The following PDE4D variants were observed in gnomAD, a reference collection of about 807,000 sequenced individuals.
The protein encoded by PDE4D is phosphodiesterase 4D.
PDE4D carries 24 observed loss-of-function variants against 87.4 expected under a neutral mutation model. That is an observed-to-expected ratio of 0.27 (90% confidence interval 0.20 to 0.39). The LOEUF is 0.39. Among genes scored for constraint, PDE4D ranks in the 10% least tolerant of loss-of-function variants. The pLI is 1.00. For missense variants in PDE4D, 714 were observed against 1,041.0 expected (o/e 0.69, Z 4.32); for synonymous variants, 384 against 383.2 (o/e 1.00, Z -0.02).
chr5:60,151,542 T>C (rs1322697782), intron 2 of PDE4D, among the ~76,000 whole-genome samples: 1 of 152,330 alleles, frequency 6.6e-6, no homozygotes, highest in African/African-American at 2.4e-5. Context: ...TTAATTTCCT[T>C]TTCAGATAGT....
At chr5:59,629,679 C>T (rs1039829322) in intron 1 of PDE4D, among the ~76,000 whole-genome samples, 1 of 152,144 alleles carries the variant, frequency 6.6e-6, no homozygotes. Flanking sequence ...TTTTCTATAG[C>T]AGCCCTAGCC....
At chr5:59,764,389 G>C (rs1762524139) in intron 1 of PDE4D, among the ~76,000 whole-genome samples, 1 of 152,120 alleles carries the variant, frequency 6.6e-6, no homozygotes, top group Admixed American at 6.5e-5. Context: ...CCAGAAAACT[G>C]ACTAACGGGG....
At chr5:59,545,875 G>A (rs1817181795) in intron 1 of PDE4D, among the ~76,000 whole-genome samples, 1 of 152,094 alleles carries the variant, frequency 6.6e-6, no homozygotes, top group South Asian at 2.1e-4. Flanking sequence ...CCTGTAAAAA[G>A]ATTACAGGCA....
At chr5:58,980,201 A>T (rs1744777403) in intron 11 of PDE4D, among the ~76,000 whole-genome samples, 1 of 152,150 alleles carries the variant, frequency 6.6e-6, no homozygotes, top group Non-Finnish European at 1.5e-5. Flanking sequence ...TCCCTTGGGG[A>T]CATCTTTTAT....
chr5:60,132,660 T>C (rs1261326451), intron 2 of PDE4D, among the ~76,000 whole-genome samples: 3 of 152,198 alleles, frequency 2.0e-5, no homozygotes, highest in Non-Finnish European at 4.4e-5. Flanking sequence ...TAAAAGAGCA[T>C]ATTTTTATTC....
At chr5:60,406,854 T>C (rs991421831) in intron 1 of PDE4D, among the ~76,000 whole-genome samples, 4 of 152,088 alleles carry the variant, frequency 2.6e-5, no homozygotes, top group Non-Finnish European at 5.9e-5. Flanking sequence ...TCTTGTAAAT[T>C]ATGTTGAAAA....
intron 1 of PDE4D, among the ~76,000 whole-genome samples, chr5:60,314,992 G>T (rs1755419756): frequency 6.6e-6 from 1 of 152,148 alleles, no homozygotes; most frequent in Non-Finnish European, 1.5e-5. Flanking sequence ...AATCCTTTGG[G>T]TATATACCCA....
At chr5:59,756,019 G>A (rs906580552) in intron 1 of PDE4D, among the ~76,000 whole-genome samples, 5 of 151,228 alleles carry the variant, frequency 3.3e-5, no homozygotes, top group African/African-American at 1.2e-4. Flanking sequence ...ATATTTAACT[G>A]TATAAAAATA....
chr5:59,775,860 C>A (rs1360365045), intron 1 of PDE4D, among the ~76,000 whole-genome samples: 1 of 152,056 alleles, frequency 6.6e-6, no homozygotes, highest in Admixed American at 6.6e-5. Flanking sequence ...CACCCCTGAC[C>A]GGCCCCCAAG....
At chr5:59,463,829 T>C (rs1801130601) in intron 1 of PDE4D, among the ~76,000 whole-genome samples, 1 of 152,184 alleles carries the variant, frequency 6.6e-6, no homozygotes, top group Non-Finnish European at 1.5e-5. Context: ...TGTGTCTGTG[T>C]AGAAAGAAGT....
Position 59,974,979 on chromosome 5 carries a change from G to A in PDE4D, c.272+13509C>T, listed in dbSNP as rs1024899243. ...CTAAAGATGTCACTTCCCTGTGGTGGATTCAGGGTAAGGTACTCTGGTTCT... is the reference window on the plus strand; with the variant it reads ...CTAAAGATGTCACTTCCCTGTGGTGAATTCAGGGTAAGGTACTCTGGTTCT... On this transcript the variant is annotated intron_variant, in intron 3 of 16. Transcript: ENST00000502484. Among the ~76,000 whole-genome samples, 5 of 152,118 alleles carry A rather than the reference G, an allele frequency of 3.3e-5. No individual in the cohort carries two copies. In the South Asian group the frequency reaches 1.0e-3, roughly 32 times the overall value.
At chr5:59,802,459 C>T (rs1390629691) in intron 1 of PDE4D, among the ~76,000 whole-genome samples, 9 of 138,902 alleles carry the variant, frequency 6.5e-5, no homozygotes, top group East Asian at 4.3e-4. Context: ...AGTGCAGTGG[C>T]GTGATCTCAG....
intron 1 of PDE4D, among the ~76,000 whole-genome samples, chr5:59,536,486 C>T (rs1815266703): frequency 1.0e-5 from 1 of 99,450 alleles, no homozygotes; most frequent in Non-Finnish European, 1.8e-5. Flanking sequence ...GCCTGGGCAA[C>T]AGAGCAAGAC....
intron 1 of PDE4D, among the ~76,000 whole-genome samples, chr5:59,866,417 C>A (rs1004481174): frequency 6.6e-6 from 1 of 151,938 alleles, no homozygotes; most frequent in South Asian, 2.1e-4. Context: ...AAAAATGTCT[C>A]GGGAAATGAG....
At chr5:59,426,741 C>T (rs1795285252) in intron 1 of PDE4D, among the ~76,000 whole-genome samples, 1 of 152,030 alleles carries the variant, frequency 6.6e-6, no homozygotes, top group East Asian at 1.9e-4. Flanking sequence ...GTGCCAGTGG[C>T]TACTGTCTCA....
chr5:59,391,953 T>C (rs1788320580), intron 1 of PDE4D, among the ~76,000 whole-genome samples: 1 of 148,334 alleles, frequency 6.7e-6, no homozygotes, highest in African/African-American at 2.4e-5. Flanking sequence ...TATATATTTC[T>C]ATATATTACA....
intron 1 of PDE4D, among the ~76,000 whole-genome samples, chr5:59,663,385 G>A (rs138606789): frequency 0.046 from 6,918 of 151,972 alleles, 230 homozygotes; most frequent in Middle Eastern, 0.12. Context: ...TGGCCAGGCT[G>A]GTCTCAAACT....
At chr5:59,873,973 G>A (rs892282447) in intron 1 of PDE4D, among the ~76,000 whole-genome samples, 1 of 152,330 alleles carries the variant, frequency 6.6e-6, no homozygotes, top group African/African-American at 2.4e-5. Flanking sequence ...CACTGTGAGA[G>A]ACTGAGGTGG....
chr5:59,338,902 TA>T (rs1045004246), intron 1 of PDE4D, among the ~76,000 whole-genome samples: 4 of 152,100 alleles, frequency 2.6e-5, no homozygotes, highest in African/African-American at 7.2e-5. Context: ...CCTCAGAAAA[TA>T]AAAAAAGTAA....
Sources: gnomAD v4.1 joint callset for allele counts (sites outside exome capture counted in the v4.1 genomes callset) on GRCh38, gnomAD v4.1.1 for gene constraint, MANE v1.5 for transcripts, NCBI Gene and HGNC (gene_info 2026-07-23, HGNC 2026-07-21) for gene names.